The following SUPT3H variants were observed in gnomAD, a reference collection of about 807,000 sequenced individuals.
SUPT3H encodes transcription initiation protein SPT3 homolog.
In SUPT3H, 44 loss-of-function variants were observed where a neutral mutation model predicts 44.3. The ratio of observed to expected loss-of-function variants is 0.99; its 90% confidence interval spans 0.78 to 1.28. The LOEUF (loss-of-function observed/expected upper bound fraction) is 1.28. Among genes scored for constraint, SUPT3H ranks in the 50% most tolerant of loss-of-function variants. The pLI is 0.00. For synonymous variants in SUPT3H, 124 were observed against 125.6 expected, an observed-to-expected ratio of 0.99 and a Z score of 0.09; for missense variants, 380 against 387.1, an observed-to-expected ratio of 0.98 and a Z score of 0.15.
chr6:44,975,315 G>A (rs1778170152), intron 6 of SUPT3H, among the ~76,000 whole-genome samples: 1 of 152,098 alleles, frequency 6.6e-6, no homozygotes, highest in South Asian at 2.1e-4. Flanking sequence ...TCTAACTAAC[G>A]AACTAAGTTG....
intron 2 of SUPT3H, among the ~76,000 whole-genome samples, chr6:45,115,934 C>T (rs1355772370): frequency 1.3e-5 from 2 of 152,046 alleles, no homozygotes; most frequent in South Asian, 4.1e-4. Context: ...GTAAACACAC[C>T]CTTGAGTGCC....
chr6:44,989,161 G>A (rs1314496390), intron 6 of SUPT3H, among the ~76,000 whole-genome samples: 5 of 152,030 alleles, frequency 3.3e-5, no homozygotes, highest in Admixed American at 3.3e-4. Flanking sequence ...ATATCCCAAG[G>A]AAATAAAATC....
rs1173091186 is a variant in SUPT3H at position 45,128,557 on chromosome 6, TACACACACAC to T, written c.102-22561_102-22552del. 1.0e-3 allele frequency among the ~76,000 whole-genome samples: 59 copies of T among 56,732 alleles called. 1 individual carries two copies. The highest frequency in any genetic ancestry group is 3.9e-3 in the African/African-American group (49 of 12,448). 37.2% of individuals were successfully genotyped at this position (56,732 alleles called of 152,430 possible). A position where few individuals can be genotyped will look rare whatever the true frequency, so the allele number is the denominator to read the frequency against. ...AAATATATATATATATATATATATATACACACACACACACACACACACACACATACACATA... is the reference window on the plus strand; with the variant it reads ...AAATATATATATATATATATATATATACACACACACACACACATACACATA... On this transcript the variant is annotated intron_variant, in intron 2 of 10. Transcript: ENST00000371459.
intron 2 of SUPT3H, among the ~76,000 whole-genome samples, chr6:45,234,105 A>G (rs937034322): frequency 6.6e-6 from 1 of 152,170 alleles, no homozygotes; most frequent in Non-Finnish European, 1.5e-5. Flanking sequence ...TAAAGCTATA[A>G]AATCCCCTTT....
chr6:44,847,688 A>T (rs927145330), intron 10 of SUPT3H, among the ~76,000 whole-genome samples: 3 of 151,994 alleles, frequency 2.0e-5, no homozygotes, highest in African/African-American at 7.2e-5. Flanking sequence ...GGGTTTCGCT[A>T]TGTTGGCCAG....
chr6:45,176,683 G>A (rs1811971787), intron 2 of SUPT3H, among the ~76,000 whole-genome samples: 1 of 152,212 alleles, frequency 6.6e-6, no homozygotes, highest in Non-Finnish European at 1.5e-5. Context: ...CTGTCTGACA[G>A]CTTTGAAGAG....
intron 10 of SUPT3H, among the ~76,000 whole-genome samples, chr6:44,892,574 A>C (rs1763476090): frequency 6.6e-6 from 1 of 152,198 alleles, no homozygotes; most frequent in Admixed American, 6.5e-5. Context: ...TATTTAGATA[A>C]TCTGCATGCA....
At chr6:45,209,660 A>G (rs1277540782) in intron 2 of SUPT3H, among the ~76,000 whole-genome samples, 1 of 152,248 alleles carries the variant, frequency 6.6e-6, no homozygotes, top group Non-Finnish European at 1.5e-5. Flanking sequence ...TGTTGTGAAC[A>G]TTGTTGAAAT....
chr6:45,025,664 A>C (rs1274322356), intron 3 of SUPT3H, among the ~76,000 whole-genome samples: 1 of 152,076 alleles, frequency 6.6e-6, no homozygotes, highest in African/African-American at 2.4e-5. Flanking sequence ...CAGGCGGATC[A>C]TGAGGTCAGG....
chr6:45,094,153 G>C (rs1332429533), intron 3 of SUPT3H, among the ~76,000 whole-genome samples: 2 of 152,016 alleles, frequency 1.3e-5, no homozygotes, highest in African/African-American at 4.8e-5. Flanking sequence ...TGGAACCTAA[G>C]CATTTATGAG....
chr6:44,942,996 A>G (rs536413477), intron 9 of SUPT3H, among the ~76,000 whole-genome samples: 26 of 152,300 alleles, frequency 1.7e-4, no homozygotes, highest in African/African-American at 5.5e-4. Context: ...CCACTTTACA[A>G]TTCAAAATTA....
intron 2 of SUPT3H, among the ~76,000 whole-genome samples, chr6:45,139,770 A>G (rs1304761042): frequency 6.6e-6 from 1 of 151,752 alleles, no homozygotes; most frequent in Non-Finnish European, 1.5e-5. Flanking sequence ...AGGGAAGCCC[A>G]CCTTCATATA....
chr6:44,945,529 G>T (rs568851872), intron 9 of SUPT3H, among the ~76,000 whole-genome samples: 1 of 152,122 alleles, frequency 6.6e-6, no homozygotes, highest in Non-Finnish European at 1.5e-5. Context: ...TGATAAGAAG[G>T]TGAAACAGCC....
At chr6:45,346,343 C>A (rs897628415) in intron 2 of SUPT3H, among the ~76,000 whole-genome samples, 8 of 152,048 alleles carry the variant, frequency 5.3e-5, no homozygotes, top group African/African-American at 1.9e-4. Context: ...AAGGAGTCTA[C>A]AGGGTTGAAA....
At chr6:44,912,045 A>T (rs1030695446) in intron 10 of SUPT3H, among the ~76,000 whole-genome samples, 1 of 152,240 alleles carries the variant, frequency 6.6e-6, no homozygotes. Flanking sequence ...CAATCCACAG[A>T]ACTTCATGGA....
chr6:44,999,380 A>G (rs1291749080), intron 6 of SUPT3H, among the ~76,000 whole-genome samples: 1 of 151,958 alleles, frequency 6.6e-6, no homozygotes, highest in Non-Finnish European at 1.5e-5. Context: ...ACAGGCGTAC[A>G]CCACCACGTG....
chr6:45,195,883 G>C (rs969048886), intron 2 of SUPT3H, among the ~76,000 whole-genome samples: 1 of 152,032 alleles, frequency 6.6e-6, no homozygotes, highest in Non-Finnish European at 1.5e-5. Context: ...CAAACTTTCT[G>C]ATCCCGGGCA....
At chr6:45,285,908 A>AT (rs1395890113) in intron 2 of SUPT3H, among the ~76,000 whole-genome samples, 1 of 151,944 alleles carries the variant, frequency 6.6e-6, no homozygotes, top group Non-Finnish European at 1.5e-5. Context: ...ATATAGACCA[A>AT]TGGAAAAGAA....
intron 3 of SUPT3H, chr6:45,099,351 TAAAAAA>T (rs34067326): frequency 1.3e-5 from 2 of 149,546 alleles, no homozygotes; most frequent in Non-Finnish European, 3.0e-5. Flanking sequence ...GTGTTTTTCT[TAAAAAA>T]AAAAAAAAAT....
Sources: gnomAD v4.1 joint callset for allele counts (sites outside exome capture counted in the v4.1 genomes callset) on GRCh38, gnomAD v4.1.1 for gene constraint, MANE v1.5 for transcripts, NCBI Gene and HGNC (gene_info 2026-07-23, HGNC 2026-07-21) for gene names.